Variants in OSBPL10 observed in about 807,000 individuals in gnomAD.
OSBPL10 encodes oxysterol binding protein like 10.
In OSBPL10, 49 loss-of-function variants were observed where a neutral mutation model predicts 81.7. The ratio of observed to expected loss-of-function variants is 0.60; its 90% CI spans 0.48 to 0.76. OSBPL10 has a LOEUF of 0.76. Among genes scored for constraint, OSBPL10 ranks in the 30% least tolerant of loss-of-function variants. The probability of loss-of-function intolerance (pLI) is 0.00; values close to 1 mark genes in which losing one functional copy is unlikely to be tolerated. For missense variants in OSBPL10, 923 were observed against 987.8 expected (o/e 0.93, Z 0.88); for synonymous variants, 419 against 383.6 (o/e 1.09, Z -1.08).
chr3:31,664,014 C>T (rs557847206), intron 11 of OSBPL10, 65 bp downstream of exon 11: 1 of 1,613,972 alleles, frequency 6.2e-7, no homozygotes, highest in Non-Finnish European at 8.5e-7. Context: ...GCAAGAAAAA[C>T]CCATCTACCC....
chr3:31,978,337 C>G (rs1453043265), intron 1 of OSBPL10, among the ~76,000 whole-genome samples: 3 of 152,188 alleles, frequency 2.0e-5, no homozygotes, highest in Non-Finnish European at 2.9e-5. Flanking sequence ...TTTCCCTGGA[C>G]CAGGGAAGGG....
intron 4 of OSBPL10, among the ~76,000 whole-genome samples, chr3:31,799,700 T>G (rs1050851411): frequency 2.0e-5 from 3 of 152,192 alleles, no homozygotes; most frequent in African/African-American, 7.2e-5. Context: ...CCTATTTGCT[T>G]CAAATCACAA....
intron 1 of OSBPL10, among the ~76,000 whole-genome samples, chr3:31,961,739 C>T (rs553825988): frequency 1.3e-5 from 2 of 151,726 alleles, no homozygotes; most frequent in Non-Finnish European, 2.9e-5. Context: ...TATTAAATTT[C>T]ATTTTAAATG....
At position 31,683,663 on chromosome 3, in the gene OSBPL10, A is replaced by G. The variant is rs746323787; in HGVS notation, c.1697T>C (p.Met566Thr). ...CCCTATCATAGAGACCCCCACGGAC[A>G]TGCCCATGAACTTGCTTTTGGTCCA... ...HVWTKSKFMG[M>T]SVGVSMIGEG... is the part of the protein sequence containing the mutation. Residue 566 changes from methionine (M) to threonine (T), a missense_variant, in exon 8 of 12, where the codon ATG (methionine) becomes ACG (threonine). Met to Thr is a moderately conservative substitution (Grantham distance 81). This residue lies in a region of OSBPL10 where 387 missense variants were observed against 436.3 expected (regional missense o/e 0.89). Coordinates refer to ENST00000396556, the MANE Select transcript of OSBPL10 (RefSeq NM_017784.5). 6.8e-6 allele frequency: 11 copies of G among 1,613,580 alleles called. No individual in the cohort carries two copies. The highest frequency in any genetic ancestry group is 9.3e-6 in the Non-Finnish European group (11 of 1,179,554).
chr3:31,769,294 A>T (rs1363745038), intron 4 of OSBPL10, among the ~76,000 whole-genome samples: 1 of 151,416 alleles, frequency 6.6e-6, no homozygotes, highest in African/African-American at 2.4e-5. Flanking sequence ...AAACACAAAA[A>T]ATTAGCCAGG....
chr3:32,066,220 A>C (rs2125445292), intron 1 of OSBPL10, among the ~76,000 whole-genome samples: 1 of 81,470 alleles, frequency 1.2e-5, no homozygotes, highest in Non-Finnish European at 3.2e-5. Flanking sequence ...AAGGAAGGAC[A>C]TCCCCCACCC....
intron 1 of OSBPL10, among the ~76,000 whole-genome samples, chr3:31,965,858 T>C (rs1482487612): frequency 1.0e-5 from 1 of 99,588 alleles, no homozygotes; most frequent in South Asian, 2.6e-4. Context: ...AAAAAGATAA[T>C]ATATAATACA....
At chr3:31,867,346 G>A (rs554125120) in intron 3 of OSBPL10, among the ~76,000 whole-genome samples, 3 of 152,018 alleles carry the variant, frequency 2.0e-5, no homozygotes, top group South Asian at 4.1e-4. Flanking sequence ...TTTATCCATA[G>A]ATGGAAAAAA....
At chr3:31,741,907 G>A (rs536841323) in intron 5 of OSBPL10, among the ~76,000 whole-genome samples, 2 of 152,272 alleles carry the variant, frequency 1.3e-5, no homozygotes, top group South Asian at 4.1e-4. Context: ...CTCTTCGCCT[G>A]CTGCCATCCA....
chr3:31,799,379 TAAAAAAAAA>T lies in OSBPL10; in HGVS notation c.729+30652_729+30660del, dbSNP rs61157535. 3.0e-4 allele frequency among the ~76,000 whole-genome samples: 17 copies of T among 56,244 alleles called. No homozygotes were observed. In the South Asian group the frequency reaches 4.7e-3, roughly 16 times the overall value. The allele number at this position is 56,244 out of a possible 152,430, so 36.9% of individuals were successfully genotyped here. A position where few individuals can be genotyped will look rare whatever the true frequency, so the allele number is the denominator to read the frequency against. On this transcript the variant is annotated intron_variant, in intron 4 of 11. Coordinates refer to ENST00000396556, the MANE Select transcript of OSBPL10 (RefSeq NM_017784.5). ...CAACATAGCAAGACCCCTATCTCTT[TAAAAAAAAA>T]AAAAAAAAAAAAAAAAAATGGAAGA...
chr3:32,052,930 T>C (rs1309145972), intron 1 of OSBPL10, among the ~76,000 whole-genome samples: 1 of 151,728 alleles, frequency 6.6e-6, no homozygotes. Flanking sequence ...GTAACAAACC[T>C]GCACGTTCTG....
intron 4 of OSBPL10, among the ~76,000 whole-genome samples, chr3:31,755,114 AG>A (rs1697847432): frequency 6.6e-6 from 1 of 152,054 alleles, no homozygotes; most frequent in Non-Finnish European, 1.5e-5. Context: ...GTGTTACCAA[AG>A]GGGACAGAAA....
At chr3:31,983,410 T>C (rs1698888037), upstream of OSBPL10, among the ~76,000 whole-genome samples, 1 of 152,182 alleles carries the variant, frequency 6.6e-6, no homozygotes, top group Non-Finnish European at 1.5e-5. Flanking sequence ...AACCTAAGAC[T>C]GAATGAGCTA....
At chr3:31,730,587 G>A (rs1472051295) in intron 6 of OSBPL10, among the ~76,000 whole-genome samples, 1 of 152,102 alleles carries the variant, frequency 6.6e-6, no homozygotes, top group Non-Finnish European at 1.5e-5. Context: ...TTCACATTTA[G>A]TTAGTTCTAG....
chr3:31,886,011 AAAAG>A (rs914977516), intron 1 of OSBPL10, among the ~76,000 whole-genome samples: 18 of 142,776 alleles, frequency 1.3e-4, no homozygotes, highest in South Asian at 1.2e-3. Flanking sequence ...AAAAAAAAAA[AAAAG>A]AAAGAAAGAA....
chr3:31,734,161 C>A (rs1415141151), intron 5 of OSBPL10, among the ~76,000 whole-genome samples: 1 of 152,140 alleles, frequency 6.6e-6, no homozygotes, highest in Non-Finnish European at 1.5e-5. Context: ...CCACCCCTGC[C>A]CTCAGACGTG....
intron 4 of OSBPL10, among the ~76,000 whole-genome samples, chr3:31,760,686 TC>T (rs1245709354): frequency 1.3e-5 from 2 of 152,240 alleles, no homozygotes; most frequent in African/African-American, 4.8e-5. Context: ...ATGCCCTTTT[TC>T]AACTTTTTAT....
intron 1 of OSBPL10, among the ~76,000 whole-genome samples, chr3:31,924,976 A>G (rs993907132): frequency 2.0e-5 from 3 of 152,198 alleles, no homozygotes; most frequent in African/African-American, 7.2e-5. Flanking sequence ...ACTCATTCAC[A>G]AGTCAAGAAC....
rs1696899845 is a variant in OSBPL10 at position 31,921,118 on chromosome 3, G to C, written c.282-41288C>G. On this transcript the variant is annotated intron_variant, in intron 1 of 11. Coordinates refer to ENST00000396556, the MANE Select transcript of OSBPL10 (RefSeq NM_017784.5). ...ATTAATCCATGTGCTAATAGGCTAG[G>C]GTTCAGATATCAACATGTTAAACAT... Among the ~76,000 whole-genome samples the C allele has an allele frequency of 2.0e-5, 3 of 152,018 alleles. No homozygotes were observed. The East Asian group carries it at 5.8e-4, about 29-fold the overall frequency.
Sources: gnomAD v4.1 joint callset for allele counts (sites outside exome capture counted in the v4.1 genomes callset) on GRCh38, gnomAD v4.1.1 for gene constraint, gnomAD v4.1.1 regional missense constraint, MANE v1.5 for transcripts, NCBI Gene and HGNC (gene_info 2026-07-23, HGNC 2026-07-21) for gene names.